The following WDFY2 variants were observed in gnomAD, a reference collection of about 807,000 sequenced individuals.
WDFY2 encodes WD repeat and FYVE domain-containing protein 2.
WDFY2 carries 36 observed loss-of-function variants against 56.4 expected under a neutral mutation model. That is an observed-to-expected ratio of 0.64 (90% CI 0.49 to 0.84). WDFY2 has a LOEUF of 0.84. Among genes scored for constraint, WDFY2 ranks in the 40% least tolerant of loss-of-function variants. The probability of loss-of-function intolerance (pLI) is 0.00; values close to 1 mark genes in which losing one functional copy is unlikely to be tolerated. For missense variants in WDFY2, 444 were observed against 512.2 expected (o/e 0.87, Z 1.29); for synonymous variants, 176 against 183.7 (o/e 0.96, Z 0.34).
At chr13:51,688,393 C>G (rs1228730403) in intron 3 of WDFY2, among the ~76,000 whole-genome samples, 3 of 152,080 alleles carry the variant, frequency 2.0e-5, no homozygotes, top group Non-Finnish European at 2.9e-5. Flanking sequence ...GAAATACTCT[C>G]CTGAGTTTTA....
intron 1 of WDFY2, 62 bp downstream of exon 1, chr13:51,584,886 G>A: frequency 1.3e-6 from 2 of 1,596,402 alleles, no homozygotes; most frequent in East Asian, 2.3e-5. Context: ...CCTCGAGCCC[G>A]CGTCAGGGGC....
chr13:51,608,752 T>G (rs971677597), intron 1 of WDFY2, among the ~76,000 whole-genome samples: 1 of 152,220 alleles, frequency 6.6e-6, no homozygotes, highest in Admixed American at 6.5e-5. Flanking sequence ...ATATCAGATA[T>G]GCATATTTTG....
chr13:51,591,881 C>G (rs1475369144), intron 1 of WDFY2: 1 of 151,980 alleles, frequency 6.6e-6, no homozygotes, highest in Non-Finnish European at 1.5e-5. Context: ...TTCTGAAATT[C>G]CCATTGACAT....
chr13:51,718,587 C>CACACAT (rs1156638324), intron 4 of WDFY2, among the ~76,000 whole-genome samples: 1 of 151,812 alleles, frequency 6.6e-6, no homozygotes, highest in East Asian at 1.9e-4. Context: ...CACACACACA[C>CACACAT]ACACACACAC....
chr13:51,648,914 A>G (rs1955312622), intron 1 of WDFY2, among the ~76,000 whole-genome samples: 1 of 152,176 alleles, frequency 6.6e-6, no homozygotes, highest in African/African-American at 2.4e-5. Context: ...TGGGAGGCCA[A>G]GGCAGGTGGA....
chr13:51,604,263 A>C (rs911673604), intron 1 of WDFY2, among the ~76,000 whole-genome samples: 1 of 152,206 alleles, frequency 6.6e-6, no homozygotes, highest in Non-Finnish European at 1.5e-5. Context: ...AGACATTTCT[A>C]TCTCAGTGAC....
At position 51,584,678 on chromosome 13, in the gene WDFY2, C is replaced by T. The variant is rs368989479; in HGVS notation, c.-10C>T. 11 of 1,609,082 alleles carry T rather than the reference C, an allele frequency of 6.8e-6. No homozygotes were observed. In the South Asian group the frequency reaches 9.9e-5, roughly 14 times the overall value. On this transcript the variant is annotated 5_prime_UTR_variant, in exon 1 of 12. Transcript: ENST00000298125. ...TTGGCGGCGGCGCCCCAGGCGCGCC[C>T]CCTCCTCCGATGGCGGCGGAGATCC... is the stretch of plus-strand genomic sequence containing the variant.
intron 5 of WDFY2, among the ~76,000 whole-genome samples, chr13:51,726,372 C>T (rs137942558): frequency 3.0e-3 from 454 of 152,260 alleles, no homozygotes; most frequent in Non-Finnish European, 5.0e-3. Context: ...GGGTTATTTT[C>T]AAACTTTAGC....
intron 1 of WDFY2, among the ~76,000 whole-genome samples, chr13:51,652,267 C>T (rs1024667871): frequency 6.6e-6 from 1 of 152,180 alleles, no homozygotes; most frequent in African/African-American, 2.4e-5. Flanking sequence ...GTAGATCTTC[C>T]TCCATCCCTT....
chr13:51,670,217 G>A (rs1329430146), intron 2 of WDFY2, among the ~76,000 whole-genome samples: 4 of 152,058 alleles, frequency 2.6e-5, no homozygotes, highest in Non-Finnish European at 5.9e-5. Flanking sequence ...AGCCCATTTT[G>A]TATGGGCCAC....
At chr13:51,589,588 TAG>T (rs1227866524) in intron 1 of WDFY2, 3 of 152,294 alleles carry the variant, frequency 2.0e-5, no homozygotes, top group Admixed American at 6.5e-5. Context: ...GAGCTCCTGA[TAG>T]AGTTTTATGT....
chr13:51,678,981 T>C (rs1955933323), intron 3 of WDFY2, among the ~76,000 whole-genome samples: 1 of 151,922 alleles, frequency 6.6e-6, no homozygotes, highest in African/African-American at 2.4e-5. Context: ...TCAGACAAAA[T>C]TAATGGAGTG....
chr13:51,596,439 G>A (rs932952681), intron 1 of WDFY2, among the ~76,000 whole-genome samples: 2 of 152,168 alleles, frequency 1.3e-5, no homozygotes, highest in African/African-American at 4.8e-5. Context: ...CTTTGAGTTC[G>A]ATGTGGATAG....
At chr13:51,659,679 C>T (rs1955575901) in intron 1 of WDFY2, among the ~76,000 whole-genome samples, 2 of 152,336 alleles carry the variant, frequency 1.3e-5, no homozygotes, top group East Asian at 3.9e-4. Context: ...TGTCTCTCTA[C>T]AGCTGCTGGC....
chr13:51,678,298 C>A (rs1356876351), intron 3 of WDFY2, among the ~76,000 whole-genome samples: 5 of 152,140 alleles, frequency 3.3e-5, no homozygotes, highest in African/African-American at 1.2e-4. Flanking sequence ...CATCTCTCCT[C>A]TGGTAGATCT....
At chr13:51,735,184 C>T (rs982252165) in intron 6 of WDFY2, among the ~76,000 whole-genome samples, 6 of 152,226 alleles carry the variant, frequency 3.9e-5, no homozygotes, top group Non-Finnish European at 7.3e-5. Context: ...TCCCACCAGC[C>T]GCCATCCCAG....
intron 7 of WDFY2, among the ~76,000 whole-genome samples, chr13:51,748,427 G>T (rs1436228018): frequency 6.6e-6 from 1 of 152,170 alleles, no homozygotes; most frequent in Admixed American, 6.5e-5. Context: ...CATTTCATTT[G>T]TGACTTCGAG....
At chr13:51,681,887 CCTT>C (rs1229608744) in intron 3 of WDFY2, among the ~76,000 whole-genome samples, 5 of 152,178 alleles carry the variant, frequency 3.3e-5, no homozygotes, top group Non-Finnish European at 5.9e-5. Flanking sequence ...CAAAAACTAA[CCTT>C]CTCCCTCAGT....
chr13:51,735,813 A>G lies in WDFY2; in HGVS notation c.599-3236A>G, dbSNP rs572739863. ...CAGGCATGGGACCCCAGAGTTATTT[A>G]CTCCCTACACCATCCTAAACTTTTT... On this transcript the variant is annotated intron_variant, in intron 6 of 11. Coordinates refer to ENST00000298125, the MANE Select transcript of WDFY2 (RefSeq NM_052950.4). Among the ~76,000 whole-genome samples, 7 of 151,712 alleles carry G rather than the reference A, an allele frequency of 4.6e-5. No individual in the cohort carries two copies. In the East Asian group the frequency reaches 1.4e-3, roughly 30 times the overall value.
Sources: allele counts gnomAD v4.1 joint callset (sites outside exome capture counted in the v4.1 genomes callset), GRCh38; gene constraint gnomAD v4.1.1; transcripts MANE v1.5; gene names NCBI Gene and HGNC (gene_info 2026-07-23, HGNC 2026-07-21).